FBXO3: variants seen among roughly 807,000 people sequenced by gnomAD.
FBXO3 encodes the protein F-box protein 3.
Under a neutral mutation model 64.8 loss-of-function variants are expected in FBXO3, and 17 were observed. The observed-to-expected ratio is 0.26, with a 90% CI of 0.18 to 0.39. The LOEUF (loss-of-function observed/expected upper bound fraction) is 0.39. Among genes scored for constraint, FBXO3 ranks in the 10% least tolerant of loss-of-function variants. FBXO3 has a pLI of 1.00. For synonymous variants in FBXO3, 182 were observed against 201.6 expected, an observed-to-expected ratio of 0.90 and a Z score of 0.82; for missense variants, 420 against 589.9, an observed-to-expected ratio of 0.71 and a Z score of 2.98.
At chr11:33,758,928 A>AT (rs906604869) in intron 3 of FBXO3, among the ~76,000 whole-genome samples, 6 of 77,424 alleles carry the variant, frequency 7.7e-5, no homozygotes, top group African/African-American at 1.7e-4. Context: ...ATTTAAAATA[A>AT]AAAAAAAAAC....
In FBXO3 at chr11:33,747,256, T is replaced by C. The variant is rs201350873; in HGVS notation, c.1113A>G (p.Thr371=). ...YEYTSCTTFS[T]TSGYMEGYYT... is the part of the protein sequence containing the mutation. Reference sequence around the variant, plus strand: ...AATATCCTTCCATGTATCCTGATGTTGTAGAGAATGTGGTACAGCTTGTGT... The same window carrying C: ...AATATCCTTCCATGTATCCTGATGTCGTAGAGAATGTGGTACAGCTTGTGT... The change falls in exon 10 of 11, where the codon ACA becomes ACG. Residue 371 remains threonine (T), a synonymous_variant. Coordinates refer to ENST00000265651, the MANE Select transcript of FBXO3 (RefSeq NM_012175.4). The C allele has an allele frequency of 1.2e-6, 2 of 1,613,558 alleles. No individual in the cohort carries two copies. Among genetic ancestry groups the C allele is most frequent in the Non-Finnish European group, 8.5e-7 (1 of 1,179,870 alleles).
intron 5 of FBXO3, among the ~76,000 whole-genome samples, chr11:33,755,415 A>G (rs1291122722): frequency 6.6e-6 from 1 of 152,222 alleles, no homozygotes; most frequent in African/African-American, 2.4e-5. Flanking sequence ...AAAAGTTTCT[A>G]TTGCACTCAA....
At chr11:33,751,457 T>C in intron 7 of FBXO3, 66 bp downstream of exon 7, 1 of 1,067,144 alleles carries the variant, frequency 9.4e-7, no homozygotes. Flanking sequence ...CATTTCATGA[T>C]CTGTGACTTA....
intron 3 of FBXO3, among the ~76,000 whole-genome samples, chr11:33,764,164 TGGAGTACTATACTGCAGCCAAA>T (rs1354213005): frequency 2.0e-5 from 3 of 152,200 alleles, no homozygotes; most frequent in South Asian, 2.1e-4. Flanking sequence ...ACTCAGATAA[TGGAGTACTATACTGCAGCCAAA>T]ATGAACAAAC....
chr11:33,773,197 A>AT (rs1202758932), intron 1 of FBXO3: 1 of 152,208 alleles, frequency 6.6e-6, no homozygotes. Flanking sequence ...TTTAAGGAGA[A>AT]TGACAACCAG....
chr11:33,758,480 A>G lies in FBXO3; in HGVS notation c.473+7T>C. ...ATTAAAAATAACCAAAACATTGAATATCTTACCCAGGAACCACTAACTTCT... is the reference window on the plus strand; with the variant it reads ...ATTAAAAATAACCAAAACATTGAATGTCTTACCCAGGAACCACTAACTTCT... On this transcript the variant is annotated splice_region_variant and intron_variant, in intron 4 of 10. Transcript: ENST00000265651. 6.4e-7 allele frequency: 1 copy of G among 1,569,442 alleles called. No homozygotes were observed. Among genetic ancestry groups the G allele is most frequent in the South Asian group, 1.2e-5 (1 of 86,578 alleles).
chr11:33,772,344 A>C (rs959214247), intron 1 of FBXO3: 2 of 152,218 alleles, frequency 1.3e-5, no homozygotes, highest in Non-Finnish European at 2.9e-5. Context: ...ACATTTACAG[A>C]GGGATCATGT....
chr11:33,757,813 C>T (rs2133608323), intron 4 of FBXO3, among the ~76,000 whole-genome samples: 1 of 151,664 alleles, frequency 6.6e-6, no homozygotes, highest in African/African-American at 2.4e-5. Flanking sequence ...AAAAAAGTAG[C>T]TGGGCATGGT....
chr11:33,748,946 G>T, intron 8 of FBXO3, 54 bp from the exon 9 acceptor site: 1 of 1,236,868 alleles, frequency 8.1e-7, no homozygotes, highest in Non-Finnish European at 1.2e-6. Context: ...TTGTTTCTTT[G>T]GTTTAAGAGA....
At chr11:33,750,454 T>C in intron 8 of FBXO3, 85 bp downstream of exon 8, 2 of 1,478,760 alleles carry the variant, frequency 1.4e-6, no homozygotes, top group South Asian at 2.5e-5. Context: ...GTGTCTTACA[T>C]ATCATGTCAA....
rs1854927192 is a variant in FBXO3, at chr11:33,750,485, C to T, written c.932+54G>A. ...GTCAAATGGGACAATAGCAACATGT[C>T]CATTGGATATATCCCACCATTAACT... is the stretch of plus-strand genomic sequence containing the variant. On this transcript the variant is annotated intron_variant, in intron 8 of 10. Coordinates refer to ENST00000265651, the MANE Select transcript of FBXO3 (RefSeq NM_012175.4). The T allele has an allele frequency of 1.9e-6, 3 of 1,593,382 alleles. No individual in the cohort carries two copies. The South Asian group carries it at 3.4e-5, about 18-fold the overall frequency.
At position 33,751,586 on chromosome 11, in the gene FBXO3, A is replaced by T. The variant is rs1854959334; in HGVS notation, c.746T>A (p.Phe249Tyr). 6.2e-7 allele frequency: 1 copy of T among 1,607,426 alleles called. No homozygotes were observed. Among genetic ancestry groups the T allele is most frequent in the Non-Finnish European group, 8.5e-7 (1 of 1,177,326 alleles). Residue 249 changes from phenylalanine to tyrosine, a missense_variant, in exon 7 of 11, where the codon TTT becomes TAT. This residue lies in a region of FBXO3 where 337 missense variants were observed against 518.4 expected (regional missense o/e 0.65). Coordinates refer to ENST00000265651, the MANE Select transcript of FBXO3 (RefSeq NM_012175.4). ...FIIGATFTDW[F>Y]TSYVKNVVSG... ...TACAACATTTTTGACATAAGAGGTAAACCAGTCAGTAAAAGTAGCACCTAT... is the reference window on the plus strand; with the variant it reads ...TACAACATTTTTGACATAAGAGGTATACCAGTCAGTAAAAGTAGCACCTAT...
At chr11:33,766,287 C>A (rs951052648) in intron 3 of FBXO3, among the ~76,000 whole-genome samples, 1 of 152,234 alleles carries the variant, frequency 6.6e-6, no homozygotes, top group African/African-American at 2.4e-5. Flanking sequence ...GTCACTTAAA[C>A]TCTCCGGGTA....
At position 33,773,644 on chromosome 11, in the gene FBXO3, C is replaced by A. The variant is rs946530423; in HGVS notation, c.104+750G>T. On this transcript the variant is annotated intron_variant, in intron 1 of 10. Coordinates refer to ENST00000265651, the MANE Select transcript of FBXO3 (RefSeq NM_012175.4). ...CATTTCTTCCACCACCCCAGACAGT[C>A]CCAAGTTCTGAAGAAACTGGGCATT... 1.3e-5 allele frequency: 2 copies of A among 152,254 alleles called. 1 individual carries two copies. Among genetic ancestry groups the A allele is most frequent in the South Asian group, 4.1e-4 (2 of 4,830 alleles). The allele number at this position is 152,254 out of a possible 1,614,324, so 9.4% of individuals were successfully genotyped here.
Position 33,741,846 on chromosome 11 carries a change from T to G in FBXO3, c.*62A>C, listed in dbSNP as rs1381691201. Reference sequence around the variant, plus strand: ...GCAGAGAACAATTTAGTTATTTACATTATTGAGAAATCTATTTAACAGCCT... The same window carrying G: ...GCAGAGAACAATTTAGTTATTTACAGTATTGAGAAATCTATTTAACAGCCT... On this transcript the variant is annotated 3_prime_UTR_variant, in exon 11 of 11. Transcript: ENST00000265651. 5 of 1,471,408 alleles carry G rather than the reference T, an allele frequency of 3.4e-6. No individual in the cohort carries two copies. The highest frequency in any genetic ancestry group is 3.6e-6 in the Non-Finnish European group (4 of 1,105,860). 91.1% of individuals were successfully genotyped at this position (1,471,408 alleles called of 1,614,324 possible).
At chr11:33,765,632 C>T (rs2133618906) in intron 3 of FBXO3, among the ~76,000 whole-genome samples, 1 of 152,244 alleles carries the variant, frequency 6.6e-6, no homozygotes, top group East Asian at 1.9e-4. Context: ...TTGTCCCCTC[C>T]CAAATCTAAT....
intron 1 of FBXO3, chr11:33,773,436 A>G (rs1478525321): frequency 6.6e-6 from 1 of 152,290 alleles, no homozygotes; most frequent in Non-Finnish European, 1.5e-5. Context: ...CACAGGGCAC[A>G]ATCATCAAAT....
chr11:33,764,791 T>A (rs11032372), intron 3 of FBXO3, among the ~76,000 whole-genome samples: 5 of 151,808 alleles, frequency 3.3e-5, no homozygotes, highest in African/African-American at 1.2e-4. Context: ...CTGGCCAACA[T>A]GGTGAAACCC....
intron 2 of FBXO3, among the ~76,000 whole-genome samples, chr11:33,770,076 T>G (rs1855476203): frequency 6.6e-6 from 1 of 152,196 alleles, no homozygotes; most frequent in African/African-American, 2.4e-5. Flanking sequence ...TCTTGATTTA[T>G]CAACTTCACA....
Sources: gnomAD v4.1 joint callset for allele counts (sites outside exome capture counted in the v4.1 genomes callset) on GRCh38, gnomAD v4.1.1 for gene constraint, gnomAD v4.1.1 regional missense constraint, MANE v1.5 for transcripts, NCBI Gene and HGNC (gene_info 2026-07-23, HGNC 2026-07-21) for gene names.